PPP1R36: variants seen among roughly 807,000 people sequenced by gnomAD.
PPP1R36 encodes the protein chromosome 14 open reading frame 50.
In PPP1R36, 47 loss-of-function variants were observed where a neutral mutation model predicts 53.4. That is an observed-to-expected ratio of 0.88 (90% CI 0.70 to 1.12). The LOEUF (loss-of-function observed/expected upper bound fraction) is 1.12, where lower values mean the gene tolerates loss of function less well. Ranked by LOEUF, PPP1R36 falls within the 50% of genes most tolerant of loss-of-function variation. The pLI is 0.00. For synonymous variants in PPP1R36, 153 were observed against 170.5 expected (o/e 0.90, Z 0.80); for missense variants, 456 against 513.9 (o/e 0.89, Z 1.09).
chr14:64,572,967 G>T (rs981131743), intron 7 of PPP1R36, among the ~76,000 whole-genome samples: 4 of 152,138 alleles, frequency 2.6e-5, no homozygotes, highest in African/African-American at 7.2e-5. Context: ...GGGGAAGGGG[G>T]TGTATTAAGG....
At chr14:64,554,151 T>G (rs920312354) in intron 3 of PPP1R36, among the ~76,000 whole-genome samples, 1 of 142,114 alleles carries the variant, frequency 7.0e-6, no homozygotes, top group Non-Finnish European at 1.5e-5. Context: ...TGTTTTTTTT[T>G]TTTTTTTTTT....
intron 9 of PPP1R36, 99 bp from the exon 10 acceptor site, chr14:64,587,095 T>C (rs991995708): frequency 3.1e-6 from 3 of 956,222 alleles, no homozygotes; most frequent in African/African-American, 1.7e-5. Flanking sequence ...GGAAATTGGG[T>C]CATCTGGGTT....
chr14:64,554,415 T>C (rs1054397521), intron 3 of PPP1R36, among the ~76,000 whole-genome samples: 1 of 152,090 alleles, frequency 6.6e-6, no homozygotes, highest in African/African-American at 2.4e-5. Context: ...CCTCCCAAAG[T>C]GCTGGGATTA....
chr14:64,567,935 T>TG (rs1208686537), intron 6 of PPP1R36, among the ~76,000 whole-genome samples: 2 of 152,202 alleles, frequency 1.3e-5, no homozygotes, highest in Non-Finnish European at 2.9e-5. Context: ...ATTACAGGCA[T>TG]GAGCCACTGT....
intron 8 of PPP1R36, among the ~76,000 whole-genome samples, chr14:64,580,241 C>G (rs1042535710): frequency 3.3e-5 from 5 of 152,158 alleles, no homozygotes; most frequent in Non-Finnish European, 7.3e-5. Context: ...GTTGAGGCTG[C>G]AATGTGTCAT....
rs149988779 is a variant in PPP1R36, at chr14:64,565,483, A to G, written c.367+29A>G. 3.2e-3 allele frequency: 4,958 copies of G among 1,531,616 alleles called. 51 individuals carry two copies. The highest frequency in any genetic ancestry group is 0.022 in the South Asian group (1,931 of 88,820). The allele number at this position is 1,531,616 out of a possible 1,614,324, so 94.9% of individuals were successfully genotyped here. On this transcript the variant is annotated intron_variant, in intron 5 of 11. Coordinates refer to ENST00000298705, the MANE Select transcript of PPP1R36 (RefSeq NM_172365.3). The stretch of plus-strand genomic sequence containing the variant: ...AGTAACTGTTTCTTTATGCATACAT[A>G]AACATACATCTGTACATACATACAC...
chr14:64,570,889 A>G (rs1420911429), intron 7 of PPP1R36, among the ~76,000 whole-genome samples: 1 of 152,238 alleles, frequency 6.6e-6, no homozygotes, highest in African/African-American at 2.4e-5. Context: ...TAAGGCTCAC[A>G]GAGGTTAAAT....
intron 8 of PPP1R36, among the ~76,000 whole-genome samples, chr14:64,577,617 T>A (rs1422794389): frequency 6.6e-6 from 1 of 152,080 alleles, no homozygotes; most frequent in African/African-American, 2.4e-5. Context: ...CCAATAAATC[T>A]TGTCTTTCTC....
chr14:64,574,161 G>A (rs1019311120), intron 7 of PPP1R36, among the ~76,000 whole-genome samples: 4 of 152,116 alleles, frequency 2.6e-5, no homozygotes, highest in African/African-American at 9.7e-5. Context: ...GATCACTTGA[G>A]TCCAGGAGTT....
At chr14:64,577,967 C>T (rs556944346) in intron 8 of PPP1R36, among the ~76,000 whole-genome samples, 18 of 151,804 alleles carry the variant, frequency 1.2e-4, no homozygotes, top group East Asian at 1.9e-4. Flanking sequence ...CCTTGTGATC[C>T]GCCTGCCTCG....
intron 6 of PPP1R36, among the ~76,000 whole-genome samples, chr14:64,566,226 C>T (rs932358718): frequency 5.3e-5 from 8 of 152,054 alleles, no homozygotes; most frequent in Non-Finnish European, 1.2e-4. Flanking sequence ...TGAGATTGTG[C>T]CAATGCGCTC....
chr14:64,586,015 C>G (rs555956327), intron 8 of PPP1R36: 2 of 152,468 alleles, frequency 1.3e-5, no homozygotes, highest in Admixed American at 1.3e-4. Context: ...TCTCGGCTTA[C>G]TGCAACTTCT....
At chr14:64,582,136 C>G (rs866080855) in intron 8 of PPP1R36, among the ~76,000 whole-genome samples, 1 of 152,144 alleles carries the variant, frequency 6.6e-6, no homozygotes, top group African/African-American at 2.4e-5. Context: ...CCCTATTCCT[C>G]TACCCTTACC....
chr14:64,568,315 G>T, intron 6 of PPP1R36, 34 bp from the exon 7 acceptor site: 1 of 923,796 alleles, frequency 1.1e-6, no homozygotes, highest in South Asian at 1.6e-5. Context: ...GGTTAGCATT[G>T]ACTCTTTTTT....
At chr14:64,560,103 CAAAAAAAAAAA>C (rs1171697200) in intron 3 of PPP1R36, among the ~76,000 whole-genome samples, 2,458 of 27,468 alleles carry the variant, frequency 0.089, 88 homozygotes, top group African/African-American at 0.25. Flanking sequence ...GAATCTGTCA[CAAAAAAAAAAA>C]AAAAAAAAAA....
intron 5 of PPP1R36, 25 bp downstream of exon 5, chr14:64,565,479 A>G: frequency 6.6e-7 from 1 of 1,506,712 alleles, no homozygotes; most frequent in Non-Finnish European, 9.2e-7. Context: ...CTTTATGCAT[A>G]CATAAACATA....
Position 64,552,898 on chromosome 14 carries a change from T to C in PPP1R36, c.182+37T>C, listed in dbSNP as rs551154752. On this transcript the variant is annotated intron_variant, in intron 3 of 11. Coordinates refer to ENST00000298705, the MANE Select transcript of PPP1R36 (RefSeq NM_172365.3). ...ACAGACAGTGAGATAGCTTTGGGATTAGACAGACAAGATAGTTACAGAAGT... is the reference window on the plus strand; with the variant it reads ...ACAGACAGTGAGATAGCTTTGGGATCAGACAGACAAGATAGTTACAGAAGT... 3.0e-5 allele frequency: 47 copies of C among 1,566,376 alleles called. No individual in the cohort carries two copies. In the South Asian group the frequency reaches 4.2e-4, roughly 14 times the overall value.
chr14:64,587,999 C>A, intron 10 of PPP1R36, 105 bp from the exon 11 acceptor site: 2 of 1,071,536 alleles, frequency 1.9e-6, no homozygotes, highest in Non-Finnish European at 2.7e-6. Flanking sequence ...CCGCCTTGAT[C>A]TCCCAAAGGG....
At chr14:64,586,947 T>C in intron 9 of PPP1R36, 68 bp downstream of exon 9, 1 of 1,267,172 alleles carries the variant, frequency 7.9e-7, no homozygotes, top group East Asian at 2.3e-5. Context: ...TGGCCATTTG[T>C]CAGGCACTTA....
Sources: gnomAD v4.1 joint callset for allele counts (sites outside exome capture counted in the v4.1 genomes callset) on GRCh38, gnomAD v4.1.1 for gene constraint, MANE v1.5 for transcripts, NCBI Gene and HGNC (gene_info 2026-07-23, HGNC 2026-07-21) for gene names.